The following CNTNAP5 variants were observed in gnomAD, a reference collection of about 807,000 sequenced individuals.
CNTNAP5 encodes contactin-associated protein-like 5.
A neutral mutation model predicts 150.2 loss-of-function variants in CNTNAP5; 72 were observed. The observed-to-expected ratio is 0.48, with a 90% CI of 0.40 to 0.58. The LOEUF (loss-of-function observed/expected upper bound fraction) is 0.58. Ranked by LOEUF, CNTNAP5 falls within the 20% of genes least tolerant of loss-of-function variation. The probability of loss-of-function intolerance (pLI) is 0.00; values close to 1 mark genes in which losing one functional copy is unlikely to be tolerated. For synonymous variants in CNTNAP5, 672 were observed against 619.8 expected (o/e 1.08, Z -1.25); for missense variants, 1,636 against 1,626.2 (o/e 1.01, Z -0.10).
At chr2:124,751,336 T>C (rs927769166) in intron 14 of CNTNAP5, among the ~76,000 whole-genome samples, 20 of 152,100 alleles carry the variant, frequency 1.3e-4, no homozygotes, top group African/African-American at 4.3e-4. Flanking sequence ...ATTTGAGAAA[T>C]GTACAGAAGA....
intron 11 of CNTNAP5, among the ~76,000 whole-genome samples, chr2:124,586,146 C>T (rs1696532040): frequency 6.6e-6 from 1 of 152,160 alleles, no homozygotes; most frequent in Non-Finnish European, 1.5e-5. Flanking sequence ...AGGACTTCCT[C>T]ACTTAGACTC....
chr2:124,605,113 A>G (rs1199421956), intron 11 of CNTNAP5, among the ~76,000 whole-genome samples: 1 of 152,158 alleles, frequency 6.6e-6, no homozygotes, highest in Non-Finnish European at 1.5e-5. Context: ...CCCCTGCTAC[A>G]GTGTGAGAGG....
intron 5 of CNTNAP5, among the ~76,000 whole-genome samples, chr2:124,445,162 T>C (rs1262240711): frequency 2.0e-5 from 3 of 150,320 alleles, no homozygotes; most frequent in African/African-American, 4.9e-5. Context: ...CGATCTCAGC[T>C]CACTGCAACC....
In CNTNAP5 at chr2:124,192,147, G is replaced by A. The variant is rs116087369; in HGVS notation, c.83-29558G>A. Among the ~76,000 whole-genome samples, 631 of 152,236 alleles carry A rather than the reference G, an allele frequency of 4.1e-3. 6 individuals carry two copies. Among genetic ancestry groups the A allele is most frequent in the African/African-American group, 0.015 (610 of 41,542 alleles). The stretch of plus-strand genomic sequence containing the variant: ...TCCATTTTTCCCCTGCTCTGGCCCT[G>A]GGATCCTAGACTTTCTCAGTTGTTT... On this transcript the variant is annotated intron_variant, in intron 1 of 23. Coordinates refer to ENST00000682447, the MANE Select transcript of CNTNAP5 (RefSeq NM_001367498.1).
At chr2:124,492,882 T>C (rs578138939) in intron 7 of CNTNAP5, among the ~76,000 whole-genome samples, 73 of 152,282 alleles carry the variant, frequency 4.8e-4, no homozygotes, top group African/African-American at 1.7e-3. Flanking sequence ...GTCCTTATGA[T>C]TTTTTAATAT....
At chr2:124,638,644 C>T (rs1678023309) in intron 12 of CNTNAP5, among the ~76,000 whole-genome samples, 1 of 152,148 alleles carries the variant, frequency 6.6e-6, no homozygotes, top group African/African-American at 2.4e-5. Flanking sequence ...TGATCAGAGA[C>T]ATTTTGCTCT....
intron 3 of CNTNAP5, among the ~76,000 whole-genome samples, chr2:124,408,209 C>A (rs1385235873): frequency 1.3e-5 from 2 of 152,220 alleles, no homozygotes; most frequent in African/African-American, 4.8e-5. Context: ...GAGATTATAT[C>A]TCGCACCTGG....
chr2:124,629,809 T>A (rs1271805502), intron 12 of CNTNAP5, among the ~76,000 whole-genome samples: 3 of 129,408 alleles, frequency 2.3e-5, no homozygotes, highest in Admixed American at 8.2e-5. Context: ...ATAAAATAGA[T>A]AGACTGCTAG....
intron 3 of CNTNAP5, among the ~76,000 whole-genome samples, chr2:124,244,757 T>C (rs944021090): frequency 3.3e-5 from 5 of 152,178 alleles, no homozygotes; most frequent in Non-Finnish European, 7.3e-5. Context: ...GGTGTCCCCT[T>C]AATTAATACT....
chr2:124,628,832 A>C (rs1327339620), intron 12 of CNTNAP5, among the ~76,000 whole-genome samples: 1 of 152,218 alleles, frequency 6.6e-6, no homozygotes, highest in Admixed American at 6.5e-5. Flanking sequence ...TCATGTCCAA[A>C]GATGCACATA....
intron 10 of CNTNAP5, among the ~76,000 whole-genome samples, chr2:124,554,034 G>C (rs1695694890): frequency 6.6e-6 from 1 of 152,002 alleles, no homozygotes. Context: ...TTTATTTTTG[G>C]TTTTAAAAAA....
chr2:124,763,713 C>T lies in CNTNAP5; in HGVS notation c.2276C>T (p.Pro759Leu), dbSNP rs1681006793. Residue 759 changes from proline (P) to leucine (L), a missense_variant, in exon 15 of 24, where the codon CCT (proline) becomes CTT (leucine). Coordinates refer to ENST00000682447, the MANE Select transcript of CNTNAP5 (RefSeq NM_001367498.1). ...TGFLSFKDHL[P>L]VTQIVITDTD... is the part of the protein sequence containing the mutation. ...TTTCTTTCCTTCAAAGACCACTTGC[C>T]TGTCACTCAGATAGTTATCACTGAT... 6.2e-7 allele frequency: 1 copy of T among 1,612,916 alleles called. No individual in the cohort carries two copies. Among genetic ancestry groups the T allele is most frequent in the Non-Finnish European group, 8.5e-7 (1 of 1,179,342 alleles).
intron 19 of CNTNAP5, among the ~76,000 whole-genome samples, chr2:124,843,709 T>A (rs1434982052): frequency 6.6e-6 from 1 of 152,018 alleles, no homozygotes; most frequent in Non-Finnish European, 1.5e-5. Flanking sequence ...ATTGCAGGAG[T>A]GAGGTGATAT....
At chr2:124,455,436 C>T (rs1558910109) in intron 6 of CNTNAP5, among the ~76,000 whole-genome samples, 2 of 152,020 alleles carry the variant, frequency 1.3e-5, no homozygotes, top group African/African-American at 2.4e-5. Context: ...AAGTCCAGGA[C>T]CAGACAGTTT....
At chr2:124,241,045 C>T (rs1686873603) in intron 2 of CNTNAP5, among the ~76,000 whole-genome samples, 1 of 152,174 alleles carries the variant, frequency 6.6e-6, no homozygotes, top group Non-Finnish European at 1.5e-5. Context: ...TACTTGATGT[C>T]CTGAGTTGCT....
intron 3 of CNTNAP5, among the ~76,000 whole-genome samples, chr2:124,415,373 C>T (rs1323738448): frequency 6.6e-6 from 1 of 152,156 alleles, no homozygotes; most frequent in African/African-American, 2.4e-5. Context: ...ATAGTAATTA[C>T]ATCAATCGCC....
At chr2:124,344,222 TCAAA>T (rs934104819) in intron 3 of CNTNAP5, among the ~76,000 whole-genome samples, 79 of 152,028 alleles carry the variant, frequency 5.2e-4, no homozygotes, top group African/African-American at 1.9e-3. Context: ...CATGTCCTTC[TCAAA>T]CAAAAAATGC....
At chr2:124,125,864 G>A (rs992617526) in intron 1 of CNTNAP5, among the ~76,000 whole-genome samples, 15 of 151,964 alleles carry the variant, frequency 9.9e-5, no homozygotes, top group East Asian at 7.7e-4. Context: ...TTTGAAACCC[G>A]TGAGAAAAAA....
At chr2:124,852,753 C>T (rs1387671248) in intron 19 of CNTNAP5, among the ~76,000 whole-genome samples, 3 of 152,224 alleles carry the variant, frequency 2.0e-5, no homozygotes, top group Middle Eastern at 6.8e-3. Context: ...GACTGCCTTG[C>T]GGCATGGTGA....
Sources: allele counts gnomAD v4.1 joint callset (sites outside exome capture counted in the v4.1 genomes callset), GRCh38; gene constraint gnomAD v4.1.1; transcripts MANE v1.5; gene names NCBI Gene and HGNC (gene_info 2026-07-23, HGNC 2026-07-21).